NXPE2: variants seen among roughly 807,000 people sequenced by gnomAD.
NXPE2 encodes NXPE family member 2.
A neutral mutation model predicts 34.4 loss-of-function variants in NXPE2; 34 were observed. The ratio of observed to expected loss-of-function variants is 0.99; its 90% CI spans 0.75 to 1.31. The LOEUF (loss-of-function observed/expected upper bound fraction) is 1.31. Among genes scored for constraint, NXPE2 ranks in the 40% most tolerant of loss-of-function variants. The probability of loss-of-function intolerance (pLI) is 0.00; values close to 1 mark genes in which losing one functional copy is unlikely to be tolerated. For synonymous variants in NXPE2, 235 were observed against 231.3 expected, an observed-to-expected ratio of 1.02 and a Z score of -0.15; for missense variants, 649 against 672.5, an observed-to-expected ratio of 0.97 and a Z score of 0.39.
the NXPE2 span, among the ~76,000 whole-genome samples, chr11:114,622,292 GATA>G: frequency 1.3e-5 from 2 of 151,818 alleles, no homozygotes; most frequent in African/African-American, 4.8e-5. Context: ...TTACCTGCTG[GATA>G]ATAATTGTTG....
chr11:114,480,099 C>T, the NXPE2 span, among the ~76,000 whole-genome samples: 439 of 152,216 alleles, frequency 2.9e-3, 1 homozygote, highest in African/African-American at 0.01. Flanking sequence ...TCCCACTAGG[C>T]CTCATCTCCA....
At chr11:114,808,283 A>T in the NXPE2 span, among the ~76,000 whole-genome samples, 1 of 152,132 alleles carries the variant, frequency 6.6e-6, no homozygotes, top group Non-Finnish European at 1.5e-5. Flanking sequence ...AATTAAAAGA[A>T]TTAGAAAAGC....
the NXPE2 span, among the ~76,000 whole-genome samples, chr11:114,478,253 C>T: frequency 6.6e-6 from 1 of 152,118 alleles, no homozygotes; most frequent in Non-Finnish European, 1.5e-5. Context: ...GAGCCAGATA[C>T]TTAAATTAAC....
chr11:114,493,423 T>G, the NXPE2 span, among the ~76,000 whole-genome samples: 1 of 152,232 alleles, frequency 6.6e-6, no homozygotes, highest in Non-Finnish European at 1.5e-5. Context: ...TTCCTTTTAG[T>G]GAAGGTGATT....
At chr11:114,761,999 A>G in the NXPE2 span, among the ~76,000 whole-genome samples, 2 of 152,252 alleles carry the variant, frequency 1.3e-5, no homozygotes, top group East Asian at 3.8e-4. Context: ...AAGGTACTTA[A>G]GATCTCATGT....
At chr11:114,573,380 A>G in the NXPE2 span, among the ~76,000 whole-genome samples, 3 of 152,152 alleles carry the variant, frequency 2.0e-5, no homozygotes, top group Admixed American at 2.0e-4. Flanking sequence ...TTGAATGTAA[A>G]TGACCTGAAT....
At chr11:114,792,434 T>A in the NXPE2 span, among the ~76,000 whole-genome samples, 1 of 152,214 alleles carries the variant, frequency 6.6e-6, no homozygotes, top group Non-Finnish European at 1.5e-5. Flanking sequence ...CTTGGTAAAC[T>A]TAATTTCTAA....
chr11:114,589,065 T>A, the NXPE2 span, among the ~76,000 whole-genome samples: 16 of 152,170 alleles, frequency 1.1e-4, no homozygotes, highest in Admixed American at 3.9e-4. Context: ...AAGTCTGGGA[T>A]CCCTGAGGTG....
At chr11:114,530,408 A>G in the NXPE2 span, 4 of 1,614,102 alleles carry the variant, frequency 2.5e-6, no homozygotes, top group African/African-American at 4.0e-5. Context: ...TAATTTTATC[A>G]TAGCCTTGGT....
chr11:114,481,264 G>A, the NXPE2 span, among the ~76,000 whole-genome samples: 1 of 152,188 alleles, frequency 6.6e-6, no homozygotes, highest in African/African-American at 2.4e-5. Flanking sequence ...GGTCTTTTGT[G>A]TCTTGCTGTC....
At chr11:114,491,834 A>C in the NXPE2 span, among the ~76,000 whole-genome samples, 2 of 152,200 alleles carry the variant, frequency 1.3e-5, no homozygotes, top group Admixed American at 1.3e-4. Flanking sequence ...CAGCCATAAA[A>C]AATGAAGAGT....
chr11:114,698,416 T>C lies in NXPE2; in HGVS notation c.504T>C (p.Thr168=), dbSNP rs985155379. The C allele has an allele frequency of 5.1e-5, 83 of 1,613,874 alleles. No homozygotes were observed. Among genetic ancestry groups the C allele is most frequent in the Non-Finnish European group, 6.8e-5 (80 of 1,179,968 alleles). ...TGGCAGGTGCTTCAGGAAAGGTGAC[T>C]GACTTCAACAACGGCACCTACCTGG... ...ALMAGASGKV[T]DFNNGTYLVS... Residue 168 remains threonine (T), a synonymous_variant, in exon 3 of 6, where the codon ACT becomes ACC. Transcript: ENST00000389586.
chr11:114,555,040 CTTT>C, the NXPE2 span, among the ~76,000 whole-genome samples: 1 of 143,598 alleles, frequency 7.0e-6, no homozygotes, highest in African/African-American at 2.5e-5. Context: ...CTTGGGAGTC[CTTT>C]TTTTTTTTTC....
At chr11:114,555,755 G>A in the NXPE2 span, among the ~76,000 whole-genome samples, 7 of 152,218 alleles carry the variant, frequency 4.6e-5, no homozygotes, top group African/African-American at 1.7e-4. Flanking sequence ...TTTTTCTAGA[G>A]TTTCATATAA....
the NXPE2 span, among the ~76,000 whole-genome samples, chr11:114,721,845 C>T: frequency 2.0e-5 from 3 of 151,984 alleles, no homozygotes; most frequent in East Asian, 1.9e-4. Context: ...GTCTGGAGCA[C>T]GTGTCTTTAG....
At chr11:114,589,321 G>A in the NXPE2 span, among the ~76,000 whole-genome samples, 1 of 152,018 alleles carries the variant, frequency 6.6e-6, no homozygotes, top group East Asian at 1.9e-4. Context: ...AGGAGGCCCA[G>A]GTAATTCTGG....
the NXPE2 span, among the ~76,000 whole-genome samples, chr11:114,713,009 G>A: frequency 6.6e-6 from 1 of 152,170 alleles, no homozygotes; most frequent in Non-Finnish European, 1.5e-5. Context: ...ATTATGCGAA[G>A]TGGAAGAAGC....
At chr11:114,565,197 T>C in the NXPE2 span, among the ~76,000 whole-genome samples, 26 of 152,348 alleles carry the variant, frequency 1.7e-4, no homozygotes, top group African/African-American at 5.8e-4. Context: ...ATATTTGTGA[T>C]ATACTTCACA....
chr11:114,516,317 T>A, the NXPE2 span, among the ~76,000 whole-genome samples: 78 of 152,180 alleles, frequency 5.1e-4, 1 homozygote, highest in Non-Finnish European at 3.4e-4. Context: ...AAGAGCCTAA[T>A]CAAGAGCAAT....
Sources: gnomAD v4.1 joint callset for allele counts (sites outside exome capture counted in the v4.1 genomes callset) on GRCh38, gnomAD v4.1.1 for gene constraint, MANE v1.5 for transcripts, NCBI Gene and HGNC (gene_info 2026-07-23, HGNC 2026-07-21) for gene names.